NIBAN2: variants seen among roughly 807,000 people sequenced by gnomAD.
NIBAN2 encodes the protein protein Niban 2.
NIBAN2 carries 36 observed loss-of-function variants against 81.8 expected under a neutral mutation model. The observed-to-expected ratio is 0.44, with a 90% CI of 0.34 to 0.58. The LOEUF (loss-of-function observed/expected upper bound fraction) is 0.58, where lower values mean the gene tolerates loss of function less well. Ranked by LOEUF, NIBAN2 falls within the 20% of genes least tolerant of loss-of-function variation. NIBAN2 has a pLI of 0.02. For synonymous variants in NIBAN2, 445 were observed against 441.6 expected (o/e 1.01, Z -0.10); for missense variants, 897 against 1,014.1 (o/e 0.88, Z 1.57).
intron 1 of NIBAN2, among the ~76,000 whole-genome samples, chr9:127,546,018 A>C (rs1837465046): frequency 2.0e-5 from 3 of 152,106 alleles, no homozygotes; most frequent in Admixed American, 6.5e-5. Context: ...CGAGGCCCCC[A>C]GCAGCGTCAC....
At chr9:127,540,338 G>C (rs1035613723) in intron 1 of NIBAN2, among the ~76,000 whole-genome samples, 1 of 152,170 alleles carries the variant, frequency 6.6e-6, no homozygotes, top group Non-Finnish European at 1.5e-5. Context: ...TCAGAGAGGA[G>C]AGGAGGCTTG....
In NIBAN2 at chr9:127,575,646, C is replaced by T. The variant is rs539601640; in HGVS notation, c.16+3276G>A. The stretch of plus-strand genomic sequence containing the variant: ...CCAGGCTCAAGCGATTCTCCTGCCT[C>T]AGCCTCCTGAGTAGCTGGGATTACA... On this transcript the variant is annotated intron_variant, in intron 1 of 13. Coordinates refer to the NIBAN2 transcript ENST00000373314. 8.4e-3 allele frequency among the ~76,000 whole-genome samples: 1,276 copies of T among 151,496 alleles called. 16 individuals are homozygous for T. Among genetic ancestry groups the T allele is most frequent in the African/African-American group, 0.029 (1,183 of 41,266 alleles).
chr9:127,531,307 AC>A (rs1219782893), intron 2 of NIBAN2, among the ~76,000 whole-genome samples: 3 of 151,722 alleles, frequency 2.0e-5, no homozygotes, highest in African/African-American at 7.3e-5. Flanking sequence ...ACATGGTAAA[AC>A]CCCATCTCTA....
chr9:127,509,196 C>A, intron 9 of NIBAN2, 65 bp from the exon 10 acceptor site: 1 of 1,487,524 alleles, frequency 6.7e-7, no homozygotes, highest in Non-Finnish European at 9.0e-7. Context: ...ACCCCCCACA[C>A]ACTTTGCCTG....
At chr9:127,553,076 G>T (rs2132224262) in intron 1 of NIBAN2, among the ~76,000 whole-genome samples, 1 of 152,288 alleles carries the variant, frequency 6.6e-6, no homozygotes, top group African/African-American at 2.4e-5. Flanking sequence ...TATCAGGAAG[G>T]TGCCTGAAAG....
At chr9:127,520,255 T>C (rs1325061223) in intron 5 of NIBAN2, among the ~76,000 whole-genome samples, 2 of 102,226 alleles carry the variant, frequency 2.0e-5, no homozygotes, top group Non-Finnish European at 4.1e-5. Context: ...TTTTTTTTTT[T>C]CTGAGAAGAG....
chr9:127,531,695 C>T lies in NIBAN2; in HGVS notation c.139G>A (p.Glu47Lys), dbSNP rs748405028. 1 of 1,614,140 alleles carries T rather than the reference C, an allele frequency of 6.2e-7. No individual in the cohort carries two copies. Among genetic ancestry groups the T allele is most frequent in the South Asian group, 1.1e-5 (1 of 91,088 alleles). ...TGCGGCAGCCCCGTGCCCTCAATCT[C>T]ATGGCGCATGCTGTTGAAGAGAGCC... Reference protein sequence around the residue: ...GVALFNSMRHEIEGTGLPQAQ... With the variant: ...GVALFNSMRHKIEGTGLPQAQ... The change falls in exon 2 of 14, where the codon GAG becomes AAG. Residue 47 changes from glutamate (E) to lysine (K), a missense_variant. Glu to Lys is a moderately conservative substitution (Grantham distance 56). Around this residue, in one of 3 missense-constraint regions of NIBAN2, gnomAD observed 209 missense variants for 208.4 expected, o/e 1.00. Transcript: ENST00000373312.
At chr9:127,524,111 G>A (rs1424449629) in intron 4 of NIBAN2, among the ~76,000 whole-genome samples, 2 of 152,166 alleles carry the variant, frequency 1.3e-5, no homozygotes, top group African/African-American at 4.8e-5. Flanking sequence ...CCACTCTTGG[G>A]TTAGGTTTTA....
chr9:127,533,325 C>T (rs1291138566), intron 1 of NIBAN2, among the ~76,000 whole-genome samples: 5 of 152,166 alleles, frequency 3.3e-5, no homozygotes, highest in African/African-American at 9.7e-5. Flanking sequence ...GGCATGGTGG[C>T]GGGCGCCTGT....
At chr9:127,534,204 C>T (rs1837233882) in intron 1 of NIBAN2, among the ~76,000 whole-genome samples, 1 of 152,210 alleles carries the variant, frequency 6.6e-6, no homozygotes, top group Non-Finnish European at 1.5e-5. Context: ...GCCCTGCCAT[C>T]TCTGACAGTC....
chr9:127,523,210 T>A (rs1349636995), intron 5 of NIBAN2, among the ~76,000 whole-genome samples: 178 of 4,336 alleles, frequency 0.041, 54 homozygotes, highest in African/African-American at 0.076. Context: ...TATATATATA[T>A]ATATATATAT....
chr9:127,519,422 C>T (rs1029041308), intron 5 of NIBAN2, among the ~76,000 whole-genome samples: 1 of 152,132 alleles, frequency 6.6e-6, no homozygotes, highest in Non-Finnish European at 1.5e-5. Flanking sequence ...AGGCAGACTC[C>T]CCTGGCCGCG....
intron 2 of NIBAN2, among the ~76,000 whole-genome samples, chr9:127,529,210 C>A (rs1485681271): frequency 6.6e-6 from 1 of 152,240 alleles, no homozygotes; most frequent in African/African-American, 2.4e-5. Context: ...TGTGTCGGCA[C>A]CACCGACTGC....
Position 127,510,344 on chromosome 9 carries a change from A to T in NIBAN2, c.974-11T>A, listed in dbSNP as rs765730690. The T allele has an allele frequency of 1.3e-6, 2 of 1,583,664 alleles. No homozygotes were observed. Among genetic ancestry groups the T allele is most frequent in the Non-Finnish European group, 1.7e-6 (2 of 1,159,254 alleles). On this transcript the variant is annotated splice_polypyrimidine_tract_variant and intron_variant, in intron 8 of 13. Transcript: ENST00000373312. The stretch of plus-strand genomic sequence containing the variant: ...TGGGGAGGATGAAGGCTGTGCCCCG[A>T]GGGAGCCGGGTCAGCAGGGGCTCCC...
chr9:127,524,266 G>A (rs75732197), intron 4 of NIBAN2, among the ~76,000 whole-genome samples: 3,707 of 152,264 alleles, frequency 0.024, 159 homozygotes, highest in African/African-American at 0.084. Context: ...CATGTGGGGA[G>A]GGACAAAATA....
rs760272251 is a variant in NIBAN2 at position 127,527,252 on chromosome 9, CT to C, written c.256del (p.Arg86GlufsTer89). ...GTGGGGCACGAGGCTGAAGCGGTTT[CT>C]CCACTTCTTGCTGTCCTCCTGGTGC... ...FQHQEDSKKW[R>X]NRFSLVPHNY... On this transcript the variant is annotated frameshift_variant, in exon 3 of 14. Coordinates refer to ENST00000373312, the MANE Select transcript of NIBAN2 (RefSeq NM_022833.4). LOFTEE classifies it high-confidence loss of function. 1 of 1,614,036 alleles carries C rather than the reference CT, an allele frequency of 6.2e-7. No individual in the cohort carries two copies. The highest frequency in any genetic ancestry group is 8.5e-7 in the Non-Finnish European group (1 of 1,180,002).
chr9:127,533,185 G>C (rs150573984), intron 1 of NIBAN2, among the ~76,000 whole-genome samples: 1 of 151,732 alleles, frequency 6.6e-6, no homozygotes, highest in Admixed American at 6.6e-5. Flanking sequence ...GGCTGGGCAC[G>C]GTGGCTTAGG....
At chr9:127,527,719 G>A (rs915812246) in intron 2 of NIBAN2, among the ~76,000 whole-genome samples, 4 of 152,202 alleles carry the variant, frequency 2.6e-5, no homozygotes, top group Non-Finnish European at 5.9e-5. Flanking sequence ...CTGGTGCCCC[G>A]AGGTCGCTCC....
chr9:127,577,840 T>C (rs941549514), intron 1 of NIBAN2, among the ~76,000 whole-genome samples: 1 of 152,074 alleles, frequency 6.6e-6, no homozygotes, highest in Non-Finnish European at 1.5e-5. Context: ...CCCAGCCTCC[T>C]GAGTAGCTGG....
Sources: gnomAD v4.1 joint callset for allele counts (sites outside exome capture counted in the v4.1 genomes callset) on GRCh38, gnomAD v4.1.1 for gene constraint, gnomAD v4.1.1 regional missense constraint, MANE v1.5 for transcripts, NCBI Gene and HGNC (gene_info 2026-07-23, HGNC 2026-07-21) for gene names.